PAM: variants seen among roughly 807,000 people sequenced by gnomAD.
PAM encodes the protein peptidyl-glycine alpha-amidating monooxygenase.
Under a neutral mutation model 122.1 loss-of-function variants are expected in PAM, and 72 were observed. That is an observed-to-expected ratio of 0.59 (90% CI 0.49 to 0.72). The LOEUF (loss-of-function observed/expected upper bound fraction) is 0.72, where lower values mean the gene tolerates loss of function less well. PAM is among the 30% of genes least tolerant of loss of function. The pLI is 0.00. For missense variants in PAM, 1,106 were observed against 1,183.7 expected, an observed-to-expected ratio of 0.93 and a Z score of 0.96; for synonymous variants, 389 against 404.4, an observed-to-expected ratio of 0.96 and a Z score of 0.46.
chr5:102,845,356 C>A (rs1485621554), intron 1 of PAM, among the ~76,000 whole-genome samples: 2 of 152,110 alleles, frequency 1.3e-5, no homozygotes, highest in Non-Finnish European at 2.9e-5. Context: ...TAAGTGGAGA[C>A]AATTGACAGG....
At chr5:103,019,747 T>G in intron 22 of PAM, 43 bp from the exon 23 acceptor site, 1 of 1,307,948 alleles carries the variant, frequency 7.6e-7, no homozygotes, top group South Asian at 1.2e-5. Flanking sequence ...AATGTTCTTT[T>G]TGGAGATTCT....
At chr5:102,915,379 G>A (rs182546448) in intron 5 of PAM, among the ~76,000 whole-genome samples, 21 of 152,164 alleles carry the variant, frequency 1.4e-4, no homozygotes, top group Admixed American at 3.9e-4. Flanking sequence ...ACCAAGTACC[G>A]TCAAAGCATT....
rs759259321 is a variant in PAM, at chr5:102,843,105, GT to G, written c.-373-22714del. On this transcript the variant is annotated intron_variant, in intron 1 of 25. Transcript: ENST00000438793. ...GTATCCTAACCTAAAGCCTAATTAT[GT>G]TTTAAATAAACCACCAGAGCCTAAG... is the stretch of plus-strand genomic sequence containing the variant. Among the ~76,000 whole-genome samples the G allele has an allele frequency of 8.8e-4, 134 of 152,280 alleles. 1 individual carries two copies. The highest frequency in any genetic ancestry group is 4.1e-3 in the Admixed American group (62 of 15,288).
At chr5:102,975,922 T>G (rs181217158) in intron 15 of PAM, among the ~76,000 whole-genome samples, 259 of 152,304 alleles carry the variant, frequency 1.7e-3, no homozygotes, top group Admixed American at 3.7e-3. Flanking sequence ...AGTGTCCCAG[T>G]CAGAATTTGA....
intron 4 of PAM, among the ~76,000 whole-genome samples, chr5:102,902,606 AG>A (rs1798299077): frequency 6.6e-6 from 1 of 151,632 alleles, no homozygotes; most frequent in African/African-American, 2.4e-5. Context: ...AATATTATTT[AG>A]AACATACATT....
chr5:102,911,564 A>T (rs9327875), intron 4 of PAM, among the ~76,000 whole-genome samples: 27 of 151,806 alleles, frequency 1.8e-4, no homozygotes, highest in African/African-American at 5.1e-4. Flanking sequence ...AGATTTGCCC[A>T]GTTTACTTTA....
At chr5:102,940,304 A>C (rs1267464092) in intron 7 of PAM, among the ~76,000 whole-genome samples, 1 of 151,654 alleles carries the variant, frequency 6.6e-6, no homozygotes, top group Non-Finnish European at 1.5e-5. Flanking sequence ...TTTTCATTTC[A>C]TGATTTATTT....
At chr5:102,993,642 T>C (rs1201670088) in intron 16 of PAM, among the ~76,000 whole-genome samples, 1 of 152,144 alleles carries the variant, frequency 6.6e-6, no homozygotes, top group Non-Finnish European at 1.5e-5. Flanking sequence ...AATTAGTTTG[T>C]ATAAGTGAAA....
At chr5:102,960,115 T>C in intron 13 of PAM, 56 bp downstream of exon 13, 1 of 978,398 alleles carries the variant, frequency 1.0e-6, no homozygotes, top group East Asian at 2.7e-5. Flanking sequence ...TATATTTTTG[T>C]ATGTATCTTG....
intron 17 of PAM, among the ~76,000 whole-genome samples, chr5:103,004,286 G>A (rs59408956): frequency 0.018 from 2,711 of 152,274 alleles, 82 homozygotes; most frequent in African/African-American, 0.061. Context: ...TAAGGGGAAG[G>A]CAGAAAAACT....
intron 1 of PAM, among the ~76,000 whole-genome samples, chr5:102,829,706 T>A (rs1441761049): frequency 6.6e-6 from 1 of 152,200 alleles, no homozygotes; most frequent in Non-Finnish European, 1.5e-5. Flanking sequence ...TAGAAAATTG[T>A]ATTTGTGAGA....
rs183526253 is a variant in PAM at position 102,799,872 on chromosome 5, A to G, written c.-374+44524A>G. Among the ~76,000 whole-genome samples, 744 of 152,298 alleles carry G rather than the reference A, an allele frequency of 4.9e-3. 8 individuals carry two copies. Among genetic ancestry groups the G allele is most frequent in the Admixed American group, 6.9e-3 (105 of 15,302 alleles). On this transcript the variant is annotated intron_variant, in intron 1 of 25. Coordinates refer to ENST00000438793, the MANE Select transcript of PAM (RefSeq NM_001177306.2). The stretch of plus-strand genomic sequence containing the variant: ...TTTGTTGACAGCCTCCCTAATGAAA[A>G]TATCAATTCACATACTTGCAAAGGT...
intron 7 of PAM, among the ~76,000 whole-genome samples, chr5:102,946,541 TAAC>T (rs1365709397): frequency 2.0e-5 from 3 of 149,202 alleles, no homozygotes; most frequent in Middle Eastern, 3.4e-3. Context: ...TAGAGAGTAT[TAAC>T]AACTTTCTAG....
intron 23 of PAM, among the ~76,000 whole-genome samples, chr5:103,023,607 A>G (rs1481047677): frequency 6.6e-6 from 1 of 152,054 alleles, no homozygotes; most frequent in Non-Finnish European, 1.5e-5. Flanking sequence ...AACCATTTCT[A>G]GGTCTATGAA....
chr5:103,003,106 G>C lies in PAM; in HGVS notation c.1687G>C (p.Asp563His). The C allele has an allele frequency of 6.2e-7, 1 of 1,603,118 alleles. No homozygotes were observed. Among genetic ancestry groups the C allele is most frequent in the East Asian group, 2.2e-5 (1 of 44,782 alleles). Residue 563 changes from aspartate (D) to histidine (H), a missense_variant, in exon 17 of 26, where the codon GAT becomes CAT. Asp to His is a moderately conservative substitution (Grantham distance 81). Transcript: ENST00000438793. Reference sequence around the variant, plus strand: ...TGAAGAAGACACTATTCTTGTCATAGATCCAAATAATGCTGCAGTACTCCA... The same window carrying C: ...TGAAGAAGACACTATTCTTGTCATACATCCAAATAATGCTGCAGTACTCCA... ...PIEEDTILVI[D>H]PNNAAVLQSS...
At chr5:102,887,013 A>G (rs552929656) in intron 3 of PAM, among the ~76,000 whole-genome samples, 40 of 152,180 alleles carry the variant, frequency 2.6e-4, no homozygotes, top group African/African-American at 9.6e-4. Context: ...TGTTAGGACT[A>G]TATTCTCAGT....
intron 21 of PAM, among the ~76,000 whole-genome samples, chr5:103,013,592 A>G (rs1268320001): frequency 1.3e-5 from 2 of 152,162 alleles, no homozygotes; most frequent in Non-Finnish European, 2.9e-5. Context: ...TTCCAGTACT[A>G]TGTTGAGTAA....
In PAM at chr5:103,028,090, C is replaced by A. The variant is rs944524719; in HGVS notation, c.2690-95C>A. Reference sequence around the variant, plus strand: ...AGACAAGAGCCAGGCCTTGCTTTATCATTTACCAGTTCCTATTTTAAGTTG... The same window carrying A: ...AGACAAGAGCCAGGCCTTGCTTTATAATTTACCAGTTCCTATTTTAAGTTG... On this transcript the variant is annotated intron_variant, in intron 24 of 25. Transcript: ENST00000438793. 7.7e-6 allele frequency: 7 copies of A among 908,898 alleles called. No homozygotes were observed. In the East Asian group the frequency reaches 1.5e-4, roughly 19 times the overall value. 56.3% of individuals were successfully genotyped at this position (908,898 alleles called of 1,614,324 possible).
chr5:102,886,649 G>A (rs937552398), intron 3 of PAM, among the ~76,000 whole-genome samples: 2 of 151,966 alleles, frequency 1.3e-5, no homozygotes, highest in African/African-American at 4.8e-5. Context: ...CCATTATATT[G>A]TCACTAATTA....
Sources: gnomAD v4.1 joint callset for allele counts (sites outside exome capture counted in the v4.1 genomes callset) on GRCh38, gnomAD v4.1.1 for gene constraint, MANE v1.5 for transcripts, NCBI Gene and HGNC (gene_info 2026-07-23, HGNC 2026-07-21) for gene names.